Variants in PLPPR5 observed in about 807,000 individuals in gnomAD.
PLPPR5 encodes phospholipid phosphatase-related protein type 5.
A neutral mutation model predicts 33.9 loss-of-function variants in PLPPR5; 16 were observed. The observed-to-expected ratio is 0.47, with a 90% confidence interval of 0.32 to 0.72. The LOEUF (loss-of-function observed/expected upper bound fraction) is 0.72, where lower values mean the gene tolerates loss of function less well. Ranked by LOEUF, PLPPR5 falls within the 30% of genes least tolerant of loss-of-function variation. The pLI is 0.03. For synonymous variants in PLPPR5, 163 were observed against 150.3 expected (o/e 1.08, Z -0.62); for missense variants, 301 against 406.7 (o/e 0.74, Z 2.23).
chr1:98,944,081 A>C (rs1306611703), intron 3 of PLPPR5, among the ~76,000 whole-genome samples: 1 of 152,202 alleles, frequency 6.6e-6, no homozygotes, highest in Non-Finnish European at 1.5e-5. Context: ...GATAAACAAG[A>C]GTTGGCTAGC....
chr1:98,936,082 G>T (rs2101184263), intron 3 of PLPPR5, among the ~76,000 whole-genome samples: 1 of 152,198 alleles, frequency 6.6e-6, no homozygotes, highest in African/African-American at 2.4e-5. Context: ...GTGTGACTGT[G>T]GGCAAGTTAA....
At chr1:98,903,847 A>T (rs1382351597) in intron 5 of PLPPR5, among the ~76,000 whole-genome samples, 1 of 152,130 alleles carries the variant, frequency 6.6e-6, no homozygotes, top group African/African-American at 2.4e-5. Context: ...CAGGCTTCAA[A>T]CCTAGCTGCA....
At chr1:98,965,021 C>T (rs1273501279) in intron 1 of PLPPR5, among the ~76,000 whole-genome samples, 2 of 149,264 alleles carry the variant, frequency 1.3e-5, no homozygotes, top group African/African-American at 4.9e-5. Context: ...TCATGTTGCC[C>T]AGGCTGGTCT....
At chr1:98,915,863 T>G (rs1297430922) in intron 4 of PLPPR5, among the ~76,000 whole-genome samples, 2 of 152,190 alleles carry the variant, frequency 1.3e-5, no homozygotes, top group Non-Finnish European at 2.9e-5. Context: ...AATAATGAAT[T>G]AAACATACCA....
chr1:98,932,630 A>G (rs1650021280), intron 3 of PLPPR5, among the ~76,000 whole-genome samples: 1 of 152,200 alleles, frequency 6.6e-6, no homozygotes, highest in Non-Finnish European at 1.5e-5. Context: ...GACCTCTAAG[A>G]AACTGTATTA....
At chr1:98,938,420 C>CAAAAAA (rs544492984) in intron 3 of PLPPR5, among the ~76,000 whole-genome samples, 1 of 80,762 alleles carries the variant, frequency 1.2e-5, no homozygotes, top group Non-Finnish European at 2.8e-5. Context: ...AAGATCGTCT[C>CAAAAAA]AAAAAAAAAA....
intron 1 of PLPPR5, among the ~76,000 whole-genome samples, chr1:98,969,069 G>A (rs1339540758): frequency 6.6e-6 from 1 of 152,062 alleles, no homozygotes; most frequent in East Asian, 1.9e-4. Context: ...AAAGAAAATT[G>A]TTAACTTTAT....
At position 98,957,300 on chromosome 1, in the gene PLPPR5, A is replaced by C. The variant is rs916663786; in HGVS notation, c.238-559T>G. ...ATGTATACATATGTAACTAACCTGC[A>C]CATTGTGCACATGTGCCCTAAAACT... On this transcript the variant is annotated intron_variant, in intron 1 of 5. Coordinates refer to ENST00000263177, the MANE Select transcript of PLPPR5 (RefSeq NM_001037317.2). Among the ~76,000 whole-genome samples the C allele has an allele frequency of 8.6e-5, 13 of 151,918 alleles. No individual in the cohort carries two copies. In the East Asian group the frequency reaches 2.3e-3, roughly 27 times the overall value.
In PLPPR5 at chr1:98,929,411, G is replaced by A. The variant is rs1649886399; in HGVS notation, c.622-7353C>T. Among the ~76,000 whole-genome samples, 3 of 152,284 alleles carry A rather than the reference G, an allele frequency of 2.0e-5. No individual in the cohort carries two copies. In the South Asian group the frequency reaches 6.2e-4, roughly 32 times the overall value. On this transcript the variant is annotated intron_variant, in intron 3 of 5. Transcript: ENST00000263177. ...GCTCCTTATTGTATTTGAAAATCAA[G>A]AGTAAACATCCACTTTCTTTACAAT...
At chr1:98,922,490 T>C (rs1439193062) in intron 3 of PLPPR5, among the ~76,000 whole-genome samples, 1 of 152,196 alleles carries the variant, frequency 6.6e-6, no homozygotes, top group African/African-American at 2.4e-5. Flanking sequence ...ATGCCATATT[T>C]AGAGGACACA....
intron 1 of PLPPR5, among the ~76,000 whole-genome samples, chr1:98,996,312 T>TA (rs1324408976): frequency 6.6e-6 from 1 of 152,086 alleles, no homozygotes; most frequent in Non-Finnish European, 1.5e-5. Context: ...GCTTAACTCT[T>TA]ACATGTTGTA....
chr1:99,005,047 C>A (rs1184288199), upstream of PLPPR5: 1 of 153,136 alleles, frequency 6.5e-6, no homozygotes, highest in East Asian at 1.9e-4. Context: ...ATCCCCCAGG[C>A]TAGCCCGGAG....
chr1:98,936,650 A>G (rs1269226912), intron 3 of PLPPR5, among the ~76,000 whole-genome samples: 1 of 152,226 alleles, frequency 6.6e-6, no homozygotes, highest in Non-Finnish European at 1.5e-5. Flanking sequence ...ATAAATGCCA[A>G]GGTGTATCAG....
Position 98,892,966 on chromosome 1 carries a change from A to T in PLPPR5, c.*106T>A. On this transcript the variant is annotated 3_prime_UTR_variant, in exon 6 of 6. Coordinates refer to ENST00000263177, the MANE Select transcript of PLPPR5 (RefSeq NM_001037317.2). Reference sequence around the variant, plus strand: ...TGATTTTAAAATTATAAAAATTATTAAACAACTTTATAAACTTCACTTGCA... The same window carrying T: ...TGATTTTAAAATTATAAAAATTATTTAACAACTTTATAAACTTCACTTGCA... 9.0e-7 allele frequency: 1 copy of T among 1,106,496 alleles called. No homozygotes were observed. The allele number at this position is 1,106,496 out of a possible 1,614,324, so 68.5% of individuals were successfully genotyped here.
At chr1:98,984,964 G>T (rs1169073143) in intron 1 of PLPPR5, among the ~76,000 whole-genome samples, 2 of 151,792 alleles carry the variant, frequency 1.3e-5, no homozygotes, top group Non-Finnish European at 2.9e-5. Flanking sequence ...TATTGAGCTG[G>T]CTATGTAAAA....
Position 98,917,651 on chromosome 1 carries a change from G to A in PLPPR5, c.799-2731C>T, listed in dbSNP as rs901588096. Among the ~76,000 whole-genome samples the A allele has an allele frequency of 8.5e-5, 13 of 152,222 alleles. No homozygotes were observed. The East Asian group carries it at 1.5e-3, about 18-fold the overall frequency. On this transcript the variant is annotated intron_variant, in intron 4 of 5. Coordinates refer to ENST00000263177, the MANE Select transcript of PLPPR5 (RefSeq NM_001037317.2). ...ATACCTAACTCAGCCATGATATCTC[G>A]TCTCAGCTTCACTTCCTCGTGGATG... is the stretch of plus-strand genomic sequence containing the variant.
At chr1:98,923,740 G>A (rs555685406) in intron 3 of PLPPR5, among the ~76,000 whole-genome samples, 3 of 152,260 alleles carry the variant, frequency 2.0e-5, no homozygotes, top group South Asian at 4.1e-4. Flanking sequence ...ACTGTGCTTG[G>A]AAAAGCTTGA....
In PLPPR5 at chr1:98,894,845, C is replaced by A. The variant is rs187699869; in HGVS notation, c.934-1741G>T. On this transcript the variant is annotated intron_variant, in intron 5 of 5. Coordinates refer to ENST00000263177, the MANE Select transcript of PLPPR5 (RefSeq NM_001037317.2). ...AGGACTTTAATAAACAGAGAAATAA[C>A]CAGAAGCAAACCACTGATGATCAAT... is the stretch of plus-strand genomic sequence containing the variant. 2.0e-3 allele frequency among the ~76,000 whole-genome samples: 302 copies of A among 152,050 alleles called. 2 individuals carry two copies. In the Middle Eastern group the frequency reaches 0.024, roughly 12 times the overall value.
intron 1 of PLPPR5, among the ~76,000 whole-genome samples, chr1:99,000,803 G>A (rs866553798): frequency 1.1e-4 from 16 of 152,044 alleles, no homozygotes; most frequent in African/African-American, 3.1e-4. Context: ...TATGATCTGC[G>A]GTATGTTTAT....
Sources: allele counts gnomAD v4.1 joint callset (sites outside exome capture counted in the v4.1 genomes callset), GRCh38; gene constraint gnomAD v4.1.1; transcripts MANE v1.5; gene names NCBI Gene and HGNC (gene_info 2026-07-23, HGNC 2026-07-21).